IQSEC1: variants seen among roughly 807,000 people sequenced by gnomAD.
The protein encoded by IQSEC1 is IQ motif and Sec7 domain ArfGEF 1.
IQSEC1 carries 31 observed loss-of-function variants against 91.0 expected under a neutral mutation model. The ratio of observed to expected loss-of-function variants is 0.34; its 90% CI spans 0.26 to 0.46. The LOEUF (loss-of-function observed/expected upper bound fraction) is 0.46, where lower values mean the gene tolerates loss of function less well. Ranked by LOEUF, IQSEC1 falls within the 20% of genes least tolerant of loss-of-function variation. The probability of loss-of-function intolerance (pLI) is 1.00; values close to 1 mark genes in which losing one functional copy is unlikely to be tolerated. For missense variants in IQSEC1, 1,388 were observed against 1,575.6 expected, an observed-to-expected ratio of 0.88 and a Z score of 2.02; for synonymous variants, 699 against 662.6, an observed-to-expected ratio of 1.05 and a Z score of -0.84.
At chr3:12,976,709 G>C (rs1576093782) in intron 1 of IQSEC1, among the ~76,000 whole-genome samples, 1 of 152,156 alleles carries the variant, frequency 6.6e-6, no homozygotes, top group African/African-American at 2.4e-5. Flanking sequence ...ACTTCCACCA[G>C]AAAGTAGCTC....
At chr3:13,146,827 C>G (rs1164666961) in intron 2 of IQSEC1, among the ~76,000 whole-genome samples, 1 of 152,158 alleles carries the variant, frequency 6.6e-6, no homozygotes, top group Non-Finnish European at 1.5e-5. Flanking sequence ...GAGTGAGACT[C>G]TGTCCCTGCT....
rs866318853 is a variant in IQSEC1, at chr3:13,104,568, C to T, written c.303-57046G>A. On this transcript the variant is annotated intron_variant, in intron 2 of 15. Transcript: ENST00000648114. The stretch of plus-strand genomic sequence containing the variant: ...CTCGGAACAGGGACCACCTGGGTGC[C>T]ATCCTCTTTCCCCTGTGCACGCTGG... 1.4e-4 allele frequency among the ~76,000 whole-genome samples: 21 copies of T among 152,292 alleles called. No homozygotes were observed. The South Asian group carries it at 3.3e-3, about 24-fold the overall frequency.
chr3:12,899,795 CTGAG>C lies in IQSEC1; in HGVS notation c.*1184_*1187del. On this transcript the variant is annotated 3_prime_UTR_variant, in exon 14 of 14. Coordinates refer to ENST00000613206, the MANE Select transcript of IQSEC1 (RefSeq NM_001134382.3). ...GAGTGGTTCCTGATGAAAACACTCT[CTGAG>C]GGCTTCGGCCTGGTGTGGGTTGGAG... 1 of 985,222 alleles carries C rather than the reference CTGAG, an allele frequency of 1.0e-6. No individual in the cohort carries two copies. The highest frequency in any genetic ancestry group is 1.2e-6 in the Non-Finnish European group (1 of 829,768). 61.0% of individuals were successfully genotyped at this position (985,222 alleles called of 1,614,324 possible).
At chr3:13,189,447 C>T (rs1693984738) in intron 1 of IQSEC1, among the ~76,000 whole-genome samples, 1 of 152,158 alleles carries the variant, frequency 6.6e-6, no homozygotes, top group Non-Finnish European at 1.5e-5. Flanking sequence ...GTTCTGAGGC[C>T]TTGACCCTCC....
In IQSEC1 at chr3:13,282,979, C is replaced by A. The variant is rs1695825024; in HGVS notation, c.4G>T (p.Ala2Ser). ...TGGCCGGGGGGCTCGGCGGCGCTGGCCATGGCCCCCCGCCCGGAGGCCGGC... is the reference window on the plus strand; with the variant it reads ...TGGCCGGGGGGCTCGGCGGCGCTGGACATGGCCCCCCGCCCGGAGGCCGGC... Residue 2 changes from alanine to serine, a missense_variant, in exon 1 of 16, where the codon GCC (alanine) becomes TCC (serine). Physicochemically the swap from Ala to Ser is moderately conservative, Grantham distance 99 (BLOSUM62 1). Transcript: ENST00000648114. This position sits in a 1 kb window ranked among gnomAD's most constrained non-coding sequence, Gnocchi z 6.4. 6.8e-6 allele frequency among the ~76,000 whole-genome samples: 1 copy of A among 146,044 alleles called. No homozygotes were observed. The highest frequency in any genetic ancestry group is 6.8e-5 in the Admixed American group (1 of 14,760).
At chr3:13,212,914 A>G (rs1031644586) in intron 1 of IQSEC1, among the ~76,000 whole-genome samples, 10 of 152,112 alleles carry the variant, frequency 6.6e-5, no homozygotes, top group African/African-American at 2.4e-4. Flanking sequence ...TCTTTTTGTT[A>G]TTGAGTTATA....
At chr3:13,235,594 G>A (rs370513956) in intron 1 of IQSEC1, among the ~76,000 whole-genome samples, 17 of 152,170 alleles carry the variant, frequency 1.1e-4, no homozygotes, top group African/African-American at 3.6e-4. Flanking sequence ...CTGCAGACAC[G>A]CAGGCACCAT....
At chr3:13,003,409 A>G (rs1702509866) in intron 1 of IQSEC1, among the ~76,000 whole-genome samples, 1 of 152,218 alleles carries the variant, frequency 6.6e-6, no homozygotes, top group Non-Finnish European at 1.5e-5. Flanking sequence ...TGATTCCAAA[A>G]GGATATGAAA....
chr3:13,211,836 T>C lies in IQSEC1; in HGVS notation c.273-47703A>G, dbSNP rs1240797925. Among the ~76,000 whole-genome samples the C allele has an allele frequency of 1.3e-5, 2 of 152,208 alleles. No individual in the cohort carries two copies. The highest frequency in any genetic ancestry group is 2.1e-4 in the South Asian group (1 of 4,832). On this transcript the variant is annotated intron_variant, in intron 1 of 15. Coordinates refer to the IQSEC1 transcript ENST00000648114. This position sits in a 1 kb window ranked among gnomAD's most constrained non-coding sequence, Gnocchi z 5.3. ...CCCACGGCAAATGCCGCACCCTCCA[T>C]GCAGCCCTCGCCCACCCTCGCAGGC...
intron 2 of IQSEC1, among the ~76,000 whole-genome samples, chr3:13,079,427 C>T (rs1270339270): frequency 6.6e-6 from 1 of 152,248 alleles, no homozygotes; most frequent in African/African-American, 2.4e-5. Flanking sequence ...AGCAAATTTC[C>T]TGCCCAGCCA....
At chr3:13,070,664 C>G (rs976049828) in intron 1 of IQSEC1, among the ~76,000 whole-genome samples, 2 of 152,210 alleles carry the variant, frequency 1.3e-5, no homozygotes, top group African/African-American at 4.8e-5. Context: ...CCACCCCCTC[C>G]AAGTATCTTT....
intron 1 of IQSEC1, among the ~76,000 whole-genome samples, chr3:12,969,468 T>C (rs765333169): frequency 6.6e-6 from 1 of 152,182 alleles, no homozygotes; most frequent in East Asian, 1.9e-4. Flanking sequence ...AACACTAGGC[T>C]GCACTGCTCA....
intron 1 of IQSEC1, among the ~76,000 whole-genome samples, chr3:12,965,237 G>A (rs750710440): frequency 6.6e-6 from 1 of 152,256 alleles, no homozygotes; most frequent in Non-Finnish European, 1.5e-5. Context: ...CCTGTTATTT[G>A]TAGAGTGGTG....
intron 1 of IQSEC1, chr3:13,015,635 T>C (rs1703089463): frequency 1.0e-6 from 1 of 985,200 alleles, no homozygotes; most frequent in Admixed American, 6.1e-5. Context: ...GGCCTGCCTC[T>C]GCGGCCCCGG....
chr3:12,978,061 G>A (rs948769084), intron 1 of IQSEC1, among the ~76,000 whole-genome samples: 1 of 152,254 alleles, frequency 6.6e-6, no homozygotes, highest in African/African-American at 2.4e-5. Flanking sequence ...AAACTCGGTT[G>A]GGTAAGGGGA....
At chr3:13,139,989 G>T (rs1194762671) in intron 2 of IQSEC1, among the ~76,000 whole-genome samples, 3 of 152,184 alleles carry the variant, frequency 2.0e-5, no homozygotes, top group Admixed American at 6.5e-5. Context: ...CAGGAATAAA[G>T]GTGTTGGAGG....
intron 1 of IQSEC1, among the ~76,000 whole-genome samples, chr3:12,991,019 G>C (rs567716119): frequency 6.6e-6 from 1 of 152,174 alleles, no homozygotes; most frequent in South Asian, 2.1e-4. Flanking sequence ...TTAGCAGCCT[G>C]CTTCCTGCTT....
chr3:13,093,200 G>C (rs138743909), intron 2 of IQSEC1, among the ~76,000 whole-genome samples: 1 of 145,960 alleles, frequency 6.9e-6, no homozygotes, highest in Non-Finnish European at 1.5e-5. Flanking sequence ...GAGGCATTAA[G>C]AGCAAATAAA....
intron 1 of IQSEC1, among the ~76,000 whole-genome samples, chr3:13,047,172 G>A (rs1418740099): frequency 6.6e-6 from 1 of 152,168 alleles, no homozygotes; most frequent in African/African-American, 2.4e-5. Context: ...CTTGGATCTC[G>A]GAAGAACTAT....
Sources: allele counts gnomAD v4.1 joint callset (sites outside exome capture counted in the v4.1 genomes callset), GRCh38; gene constraint gnomAD v4.1.1; non-coding constraint Gnocchi (gnomAD v3.1); transcripts MANE v1.5; gene names NCBI Gene and HGNC (gene_info 2026-07-23, HGNC 2026-07-21).